The following COL22A1 variants were observed in gnomAD, a reference collection of about 807,000 sequenced individuals.
COL22A1 encodes the protein collagen type XXII alpha 1 chain, also known as collagen alpha-1(XXII) chain.
COL22A1 carries 221 observed loss-of-function variants against 248.9 expected under a neutral mutation model. The observed-to-expected ratio is 0.89, with a 90% CI of 0.80 to 0.99. The LOEUF is 0.99. Among genes scored for constraint, COL22A1 ranks in the 50% least tolerant of loss-of-function variants. COL22A1 has a pLI of 0.00. For synonymous variants in COL22A1, 891 were observed against 793.4 expected, an observed-to-expected ratio of 1.12 and a Z score of -2.07; for missense variants, 2,240 against 2,179.0, an observed-to-expected ratio of 1.03 and a Z score of -0.56.
At chr8:138,868,313 G>A (rs1823056174) in intron 3 of COL22A1, among the ~76,000 whole-genome samples, 1 of 152,074 alleles carries the variant, frequency 6.6e-6, no homozygotes, top group Admixed American at 6.6e-5. Flanking sequence ...TTCCAAGGGG[G>A]CAAAATTCAG....
intron 3 of COL22A1, among the ~76,000 whole-genome samples, chr8:138,845,626 C>T (rs1241029234): frequency 2.6e-5 from 4 of 152,126 alleles, no homozygotes; most frequent in Admixed American, 2.6e-4. Flanking sequence ...TTTTAATGTG[C>T]TGAGTCCATG....
intron 12 of COL22A1, among the ~76,000 whole-genome samples, chr8:138,790,058 C>T (rs946267550): frequency 3.9e-5 from 6 of 152,128 alleles, no homozygotes; most frequent in African/African-American, 1.4e-4. Context: ...TGCCAAATAT[C>T]TCATAGTAGC....
chr8:138,815,908 G>A (rs941552353), intron 7 of COL22A1, among the ~76,000 whole-genome samples: 8 of 152,102 alleles, frequency 5.3e-5, no homozygotes, highest in Admixed American at 6.6e-5. Context: ...GTTGGACTCG[G>A]GAGTCCCTCT....
At chr8:138,676,146 C>T (rs1825486084) in intron 41 of COL22A1, among the ~76,000 whole-genome samples, 1 of 151,982 alleles carries the variant, frequency 6.6e-6, no homozygotes, top group South Asian at 2.1e-4. Context: ...TCTGTAATCC[C>T]AGCACTTTAG....
intron 16 of COL22A1, among the ~76,000 whole-genome samples, chr8:138,762,761 G>T (rs896410615): frequency 4.1e-5 from 4 of 97,656 alleles, no homozygotes; most frequent in Non-Finnish European, 9.9e-5. Flanking sequence ...TTCATCTCAC[G>T]GTTCATGGGG....
Position 138,619,442 on chromosome 8 carries a change from A to T in COL22A1, c.3825+13T>A, listed in dbSNP as rs1480141442. On this transcript the variant is annotated intron_variant, in intron 53 of 64. Coordinates refer to ENST00000303045, the MANE Select transcript of COL22A1 (RefSeq NM_152888.3). ...CTTGGTTCTACCGTTCCCCACACACACTACACACTTACAGGTGGGCCTCGG... is the reference window on the plus strand; with the variant it reads ...CTTGGTTCTACCGTTCCCCACACACTCTACACACTTACAGGTGGGCCTCGG... 1.2e-6 allele frequency: 2 copies of T among 1,613,374 alleles called. No individual in the cohort carries two copies. Among genetic ancestry groups the T allele is most frequent in the Non-Finnish European group, 8.5e-7 (1 of 1,179,466 alleles).
At chr8:138,819,523 A>G (rs1006350834) in intron 7 of COL22A1, among the ~76,000 whole-genome samples, 32 of 150,564 alleles carry the variant, frequency 2.1e-4, no homozygotes, top group African/African-American at 7.3e-4. Flanking sequence ...AACATTATAC[A>G]CATATATTTT....
At chr8:138,825,347 G>A (rs905418431) in intron 6 of COL22A1, among the ~76,000 whole-genome samples, 14 of 152,174 alleles carry the variant, frequency 9.2e-5, no homozygotes, top group Admixed American at 4.6e-4. Context: ...GACAGGCTTG[G>A]AACAGAAGCC....
intron 22 of COL22A1, among the ~76,000 whole-genome samples, chr8:138,750,234 T>G (rs1163595975): frequency 6.6e-6 from 1 of 152,204 alleles, no homozygotes; most frequent in African/African-American, 2.4e-5. Flanking sequence ...TATGTGTTTA[T>G]TAGCAGCGTG....
At chr8:138,775,124 C>A (rs1353011554) in intron 16 of COL22A1, among the ~76,000 whole-genome samples, 3 of 152,200 alleles carry the variant, frequency 2.0e-5, no homozygotes, top group African/African-American at 7.2e-5. Context: ...ATGCAGCAGA[C>A]CCCAGCAAAG....
At chr8:138,603,355 A>G (rs1310898773) in intron 59 of COL22A1, among the ~76,000 whole-genome samples, 1 of 152,240 alleles carries the variant, frequency 6.6e-6, no homozygotes, top group African/African-American at 2.4e-5. Context: ...TGGGAAGCAC[A>G]GAGCCTTGAA....
At chr8:138,664,209 G>GCGCGCGCGCGCGCACA (rs1440442280) in intron 41 of COL22A1, among the ~76,000 whole-genome samples, 13 of 103,198 alleles carry the variant, frequency 1.3e-4, no homozygotes, top group African/African-American at 4.0e-4. Flanking sequence ...GCGCGCGCGC[G>GCGCGCGCGCGCGCACA]CACACACACA....
At chr8:138,800,004 T>C (rs1052632977) in intron 11 of COL22A1, among the ~76,000 whole-genome samples, 1 of 152,224 alleles carries the variant, frequency 6.6e-6, no homozygotes, top group African/African-American at 2.4e-5. Context: ...CTTCTCCACA[T>C]TCTGTTTCAA....
intron 1 of COL22A1, among the ~76,000 whole-genome samples, chr8:138,902,737 T>TACACACACACACACACACAC (rs777413704): frequency 1.9e-5 from 2 of 107,044 alleles, no homozygotes; most frequent in African/African-American, 7.5e-5. Flanking sequence ...TATATATATA[T>TACACACACACACACACACAC]ATACACACAC....
intron 22 of COL22A1, among the ~76,000 whole-genome samples, chr8:138,749,572 C>T (rs985478257): frequency 6.6e-6 from 1 of 152,238 alleles, no homozygotes; most frequent in African/African-American, 2.4e-5. Context: ...TCAGCTGTCA[C>T]ATCATGCCGC....
chr8:138,723,974 T>A (rs1830105584), intron 25 of COL22A1, among the ~76,000 whole-genome samples: 2 of 152,156 alleles, frequency 1.3e-5, no homozygotes, highest in African/African-American at 2.4e-5. Flanking sequence ...GCCTTCCCCA[T>A]CTGGGCTCAA....
intron 7 of COL22A1, among the ~76,000 whole-genome samples, chr8:138,815,033 C>T (rs1818562712): frequency 6.6e-6 from 1 of 152,120 alleles, no homozygotes; most frequent in Non-Finnish European, 1.5e-5. Flanking sequence ...GTCATGAGAT[C>T]TGATGGTTCT....
At chr8:138,628,150 T>C (rs1365498875) in intron 50 of COL22A1, among the ~76,000 whole-genome samples, 1 of 152,204 alleles carries the variant, frequency 6.6e-6, no homozygotes, top group Non-Finnish European at 1.5e-5. Flanking sequence ...AGGGACTCCA[T>C]TCATTACCAA....
intron 18 of COL22A1, among the ~76,000 whole-genome samples, chr8:138,759,441 C>T (rs1833270452): frequency 6.6e-6 from 1 of 152,206 alleles, no homozygotes; most frequent in Non-Finnish European, 1.5e-5. Flanking sequence ...TATTCTCCAA[C>T]CCAATGTCTG....
Sources: gnomAD v4.1 joint callset for allele counts (sites outside exome capture counted in the v4.1 genomes callset) on GRCh38, gnomAD v4.1.1 for gene constraint, MANE v1.5 for transcripts, NCBI Gene and HGNC (gene_info 2026-07-23, HGNC 2026-07-21) for gene names.